KCNH1: variants seen among roughly 807,000 people sequenced by gnomAD.
KCNH1 encodes voltage-gated delayed rectifier potassium channel KCNH1.
KCNH1 carries 27 observed loss-of-function variants against 69.2 expected under a neutral mutation model. The observed-to-expected ratio is 0.39, with a 90% confidence interval of 0.29 to 0.54. The LOEUF (loss-of-function observed/expected upper bound fraction) is 0.54, where lower values mean the gene tolerates loss of function less well. KCNH1 is among the 20% of genes least tolerant of loss of function. The pLI, the probability that KCNH1 is intolerant of heterozygous loss-of-function variation, is 0.68. For synonymous variants in KCNH1, 456 were observed against 487.7 expected, an observed-to-expected ratio of 0.93 and a Z score of 0.86; for missense variants, 798 against 1,261.6, an observed-to-expected ratio of 0.63 and a Z score of 5.57.
chr1:210,837,527 G>A (rs748241998), intron 7 of KCNH1, among the ~76,000 whole-genome samples: 38 of 152,096 alleles, frequency 2.5e-4, no homozygotes, highest in Non-Finnish European at 4.4e-4. Flanking sequence ...ATCCATAAAC[G>A]TAAAGGGGAA....
chr1:210,974,026 T>G (rs528471146), intron 6 of KCNH1, among the ~76,000 whole-genome samples: 11 of 152,302 alleles, frequency 7.2e-5, no homozygotes, highest in Non-Finnish European at 1.3e-4. Flanking sequence ...TTTGTCAGTT[T>G]CACCACAGCC....
At chr1:211,083,168 G>A (rs1418206901) in intron 4 of KCNH1, among the ~76,000 whole-genome samples, 1 of 152,244 alleles carries the variant, frequency 6.6e-6, no homozygotes, top group Non-Finnish European at 1.5e-5. Flanking sequence ...CAAATAGGGA[G>A]ACTAAGACAC....
intron 6 of KCNH1, among the ~76,000 whole-genome samples, chr1:210,949,361 C>T (rs868811206): frequency 1.3e-5 from 2 of 152,182 alleles, no homozygotes; most frequent in African/African-American, 4.8e-5. Flanking sequence ...TGTCTTTAAC[C>T]CTGTCAGCCC....
rs111693908 is a variant in KCNH1, at chr1:210,882,499, C to T, written c.1462+37141G>A. On this transcript the variant is annotated intron_variant, in intron 7 of 10. Transcript: ENST00000271751. ...AGATTTCAGGATCAAAAATAGCCCT[C>T]GGAAATCAACAGTGCTCAGATAGAC... Among the ~76,000 whole-genome samples the T allele has an allele frequency of 3.0e-3, 452 of 152,266 alleles. 3 individuals carry two copies. The highest frequency in any genetic ancestry group is 9.5e-3 in the African/African-American group (394 of 41,560).
At chr1:210,911,772 T>C (rs1353911247) in intron 7 of KCNH1, among the ~76,000 whole-genome samples, 1 of 152,154 alleles carries the variant, frequency 6.6e-6, no homozygotes, top group Non-Finnish European at 1.5e-5. Context: ...CTCTGCCCAG[T>C]GCAGTAATCC....
chr1:210,699,870 G>A (rs950556784), intron 10 of KCNH1, among the ~76,000 whole-genome samples: 5 of 152,178 alleles, frequency 3.3e-5, no homozygotes, highest in African/African-American at 7.2e-5. Flanking sequence ...TGGTAGGGCC[G>A]GCTGGAATTT....
rs188788232 is a variant in KCNH1, at chr1:210,695,398, C to G, written c.2113-11260G>C. 1.2e-4 allele frequency among the ~76,000 whole-genome samples: 19 copies of G among 152,330 alleles called. No homozygotes were observed. The East Asian group carries it at 3.5e-3, about 28-fold the overall frequency. On this transcript the variant is annotated intron_variant, in intron 10 of 10. Transcript: ENST00000271751. ...TTGAGTTCTTGGTATATAGTGCTGA[C>G]TTCAGTCCCTTAGGACCTGGACCAT...
chr1:210,698,070 A>G lies in KCNH1; in HGVS notation c.2113-13932T>C, dbSNP rs200283617. 2.0e-5 allele frequency among the ~76,000 whole-genome samples: 3 copies of G among 152,358 alleles called. No individual in the cohort carries two copies. The East Asian group carries it at 5.8e-4, about 29-fold the overall frequency. Reference sequence around the variant, plus strand: ...GGCAAAAGTTAGTCCTGAATCCAATATAGAACAGGAAGGCTGGTATGTTCA... The same window carrying G: ...GGCAAAAGTTAGTCCTGAATCCAATGTAGAACAGGAAGGCTGGTATGTTCA... On this transcript the variant is annotated intron_variant, in intron 10 of 10. Coordinates refer to ENST00000271751, the MANE Select transcript of KCNH1 (RefSeq NM_172362.3).
chr1:210,692,952 A>C (rs1166661316), intron 10 of KCNH1, among the ~76,000 whole-genome samples: 1 of 152,138 alleles, frequency 6.6e-6, no homozygotes, highest in Non-Finnish European at 1.5e-5. Flanking sequence ...GGTCTGCTTC[A>C]CCACTTCCTC....
intron 10 of KCNH1, among the ~76,000 whole-genome samples, chr1:210,758,535 C>T (rs1364019093): frequency 6.6e-6 from 1 of 152,140 alleles, no homozygotes; most frequent in Non-Finnish European, 1.5e-5. Flanking sequence ...GAGGTGGAAC[C>T]CCCTCCCCTG....
intron 6 of KCNH1, among the ~76,000 whole-genome samples, chr1:210,980,819 ATGTGTGTG>A (rs57591026): frequency 3.4e-5 from 5 of 148,974 alleles, no homozygotes; most frequent in Non-Finnish European, 7.4e-5. Flanking sequence ...GTATTAGACA[ATGTGTGTG>A]TGTGTGTGTG....
At chr1:210,779,553 A>G (rs749424224) in intron 9 of KCNH1, among the ~76,000 whole-genome samples, 6 of 152,212 alleles carry the variant, frequency 3.9e-5, no homozygotes, top group Non-Finnish European at 7.3e-5. Context: ...GCCAGTGTGT[A>G]AAATAATCAT....
At chr1:211,054,847 G>T (rs1295038832) in intron 5 of KCNH1, among the ~76,000 whole-genome samples, 2 of 152,022 alleles carry the variant, frequency 1.3e-5, no homozygotes, top group East Asian at 3.9e-4. Flanking sequence ...GAGATAAAAA[G>T]GGAAAGAGGG....
intron 1 of KCNH1, among the ~76,000 whole-genome samples, chr1:211,117,042 C>G (rs991977201): frequency 7.2e-5 from 11 of 152,182 alleles, no homozygotes; most frequent in Non-Finnish European, 1.6e-4. Context: ...ATTGAGAGGT[C>G]ACCCACTTTC....
intron 9 of KCNH1, among the ~76,000 whole-genome samples, chr1:210,782,036 C>T (rs187741367): frequency 6.6e-6 from 1 of 152,258 alleles, no homozygotes; most frequent in African/African-American, 2.4e-5. Context: ...ATGACTCCTG[C>T]TCATCCTTCA....
At chr1:210,952,577 C>T (rs1179046606) in intron 6 of KCNH1, among the ~76,000 whole-genome samples, 3 of 152,086 alleles carry the variant, frequency 2.0e-5, no homozygotes, top group Admixed American at 2.0e-4. Flanking sequence ...TTCTGTTGCC[C>T]TCTAACAATC....
intron 6 of KCNH1, among the ~76,000 whole-genome samples, chr1:210,964,066 G>T (rs1688348658): frequency 6.6e-6 from 1 of 152,174 alleles, no homozygotes; most frequent in Non-Finnish European, 1.5e-5. Flanking sequence ...CCCACAAAGG[G>T]AAGCCCATCA....
chr1:210,741,530 G>A (rs1056536019), intron 10 of KCNH1, among the ~76,000 whole-genome samples: 2 of 152,176 alleles, frequency 1.3e-5, no homozygotes, highest in Admixed American at 1.3e-4. Context: ...AACTGAAGCT[G>A]TACTCAGGCC....
At chr1:211,010,472 C>T (rs1023518560) in intron 6 of KCNH1, among the ~76,000 whole-genome samples, 1 of 152,158 alleles carries the variant, frequency 6.6e-6, no homozygotes, top group African/African-American at 2.4e-5. Flanking sequence ...TATCACTGGA[C>T]TTGGCCTTCT....
Sources: gnomAD v4.1 joint callset for allele counts (sites outside exome capture counted in the v4.1 genomes callset) on GRCh38, gnomAD v4.1.1 for gene constraint, MANE v1.5 for transcripts, NCBI Gene and HGNC (gene_info 2026-07-23, HGNC 2026-07-21) for gene names.